Variants in TNRC6A observed in about 807,000 individuals in gnomAD.
TNRC6A encodes the protein trinucleotide repeat-containing gene 6A protein.
A neutral mutation model predicts 221.2 loss-of-function variants in TNRC6A; 44 were observed. That is an observed-to-expected ratio of 0.20 (90% confidence interval 0.16 to 0.26). The LOEUF (loss-of-function observed/expected upper bound fraction) is 0.26, where lower values mean the gene tolerates loss of function less well. Ranked by LOEUF, TNRC6A falls within the 10% of genes least tolerant of loss-of-function variation. The pLI, the probability that TNRC6A is intolerant of heterozygous loss-of-function variation, is 1.00. For missense variants in TNRC6A, 2,199 were observed against 2,404.4 expected, an observed-to-expected ratio of 0.91 and a Z score of 1.79; for synonymous variants, 847 against 838.5, an observed-to-expected ratio of 1.01 and a Z score of -0.18.
intron 4 of TNRC6A, among the ~76,000 whole-genome samples, chr16:24,763,360 A>G (rs1273227859): frequency 2.0e-5 from 3 of 152,224 alleles, no homozygotes; most frequent in Non-Finnish European, 1.5e-5. Flanking sequence ...CTTTTCCAGT[A>G]TGCCTGTTGA....
intron 1 of TNRC6A, among the ~76,000 whole-genome samples, chr16:24,611,658 C>T (rs1421759493): frequency 6.6e-6 from 1 of 152,018 alleles, no homozygotes; most frequent in East Asian, 1.9e-4. Context: ...AGCATGTGAG[C>T]GATTTAGTTC....
At chr16:24,669,906 C>G (rs1160926855) in intron 2 of TNRC6A, among the ~76,000 whole-genome samples, 8 of 137,076 alleles carry the variant, frequency 5.8e-5, no homozygotes, top group Non-Finnish European at 9.3e-5. Flanking sequence ...TGCATCCACT[C>G]ATTTTGTTCT....
chr16:24,716,911 C>T (rs1460750366), intron 2 of TNRC6A, among the ~76,000 whole-genome samples: 2 of 140,188 alleles, frequency 1.4e-5, no homozygotes, highest in East Asian at 4.4e-4. Context: ...GAGCCAAGAT[C>T]GTGCCACTGC....
intron 4 of TNRC6A, among the ~76,000 whole-genome samples, chr16:24,775,946 A>C (rs1480910888): frequency 6.6e-6 from 1 of 152,226 alleles, no homozygotes; most frequent in Non-Finnish European, 1.5e-5. Context: ...ACGAATAGCC[A>C]CTGTTTATAT....
At position 24,791,641 on chromosome 16, in the gene TNRC6A, A is replaced by G. The variant is rs1456044965; in HGVS notation, c.2999A>G (p.Glu1000Gly). 7 of 1,611,684 alleles carry G rather than the reference A, an allele frequency of 4.3e-6. No individual in the cohort carries two copies. Among genetic ancestry groups the G allele is most frequent in the Non-Finnish European group, 5.9e-6 (7 of 1,179,366 alleles). ...PSPESIRRKM[E>G]IDDGTSAWGD... ...CCAGAATCTATACGTCGCAAAATGG[A>G]GATTGATGATGGAACTTCAGCTTGG... The change falls in exon 6 of 25, where the codon GAG (glutamate) becomes GGG (glycine). Residue 1000 changes from glutamate (E) to glycine (G), a missense_variant. Around this residue, in one of 8 missense-constraint regions of TNRC6A, gnomAD observed 1,405 missense variants for 1,400.2 expected, o/e 1.00. Transcript: ENST00000395799.
intron 22 of TNRC6A, chr16:24,821,851 G>A: frequency 3.6e-6 from 2 of 562,144 alleles, no homozygotes; most frequent in South Asian, 2.4e-5. Context: ...GTGGTGAACT[G>A]GGAGCCATTC....
intron 3 of TNRC6A, among the ~76,000 whole-genome samples, chr16:24,755,991 A>G (rs1311715662): frequency 1.3e-5 from 2 of 152,176 alleles, no homozygotes; most frequent in Non-Finnish European, 2.9e-5. Flanking sequence ...GGTAAGCAGG[A>G]CAGTTATTTT....
At chr16:24,693,034 C>T (rs73566418) in intron 2 of TNRC6A, among the ~76,000 whole-genome samples, 7 of 152,120 alleles carry the variant, frequency 4.6e-5, no homozygotes, top group South Asian at 4.1e-4. Context: ...TTTAATAAGC[C>T]GAATAATCCT....
chr16:24,693,664 C>T (rs2055800339), intron 2 of TNRC6A, among the ~76,000 whole-genome samples: 1 of 152,088 alleles, frequency 6.6e-6, no homozygotes, highest in Admixed American at 6.6e-5. Context: ...ACTCAGGAGA[C>T]TGAGATGGAA....
chr16:24,749,189 A>G (rs1020044780), intron 2 of TNRC6A, among the ~76,000 whole-genome samples: 17 of 152,296 alleles, frequency 1.1e-4, no homozygotes, highest in African/African-American at 2.6e-4. Flanking sequence ...GGTGATGACT[A>G]CAGGTAGCCG....
At position 24,777,059 on chromosome 16, in the gene TNRC6A, A is replaced by C. The variant is rs542999996; in HGVS notation, c.290A>C (p.Gln97Pro). 1.2e-6 allele frequency: 2 copies of C among 1,608,038 alleles called. No individual in the cohort carries two copies. Among genetic ancestry groups the C allele is most frequent in the South Asian group, 2.2e-5 (2 of 90,934 alleles). Reference sequence around the variant, plus strand: ...ACAGCCAACAATCAGCAGCCACAGCAGCAGCAGCAACAGCAGCAGCCGCAG... The same window carrying C: ...ACAGCCAACAATCAGCAGCCACAGCCGCAGCAGCAACAGCAGCAGCCGCAG... ...RATANNQQPQ[Q>P]QQQQQQPQQQ... is the part of the protein sequence containing the mutation. Residue 97 changes from glutamine to proline, a missense_variant, in exon 5 of 25, where the codon CAG becomes CCG. Gln to Pro is a moderately conservative substitution (Grantham distance 76). Around this residue, in one of 8 missense-constraint regions of TNRC6A, gnomAD observed 1,405 missense variants for 1,400.2 expected, o/e 1.00. Coordinates refer to ENST00000395799, the MANE Select transcript of TNRC6A (RefSeq NM_014494.4).
chr16:24,783,050 T>G (rs950060201), intron 5 of TNRC6A, among the ~76,000 whole-genome samples: 1 of 152,204 alleles, frequency 6.6e-6, no homozygotes, highest in Non-Finnish European at 1.5e-5. Flanking sequence ...TTAACTGTTT[T>G]GTTTGTTAGA....
At chr16:24,767,742 G>A (rs1248184463) in intron 4 of TNRC6A, among the ~76,000 whole-genome samples, 1 of 152,014 alleles carries the variant, frequency 6.6e-6, no homozygotes, top group African/African-American at 2.4e-5. Context: ...TAACCATTCT[G>A]TATTTCTTAA....
At chr16:24,758,566 C>T (rs2057299802) in intron 4 of TNRC6A, among the ~76,000 whole-genome samples, 1 of 152,112 alleles carries the variant, frequency 6.6e-6, no homozygotes, top group Non-Finnish European at 1.5e-5. Context: ...TGCACTGCCT[C>T]AGACCTGCCT....
chr16:24,821,282 C>T (rs1596840436), intron 22 of TNRC6A, among the ~76,000 whole-genome samples: 2 of 152,098 alleles, frequency 1.3e-5, no homozygotes, highest in Admixed American at 6.6e-5. Flanking sequence ...CAGCGAGGGG[C>T]GCTAGTGAAA....
intron 5 of TNRC6A, among the ~76,000 whole-genome samples, chr16:24,786,694 G>T (rs1360428962): frequency 6.7e-6 from 1 of 149,856 alleles, no homozygotes; most frequent in African/African-American, 2.5e-5. Flanking sequence ...TGTTGTTTTT[G>T]TGTTTTGAGA....
chr16:24,657,512 C>G (rs1231820335), intron 2 of TNRC6A, among the ~76,000 whole-genome samples: 6 of 151,978 alleles, frequency 3.9e-5, no homozygotes, highest in Middle Eastern at 3.4e-3. Flanking sequence ...GAGTTCAAGA[C>G]CAGCCTGGCC....
At chr16:24,786,723 C>G (rs2057979266) in intron 5 of TNRC6A, among the ~76,000 whole-genome samples, 1 of 151,932 alleles carries the variant, frequency 6.6e-6, no homozygotes, top group African/African-American at 2.4e-5. Context: ...CACTCTGTTG[C>G]CAGGCTGGAG....
intron 5 of TNRC6A, among the ~76,000 whole-genome samples, chr16:24,784,070 C>G (rs905569969): frequency 3.3e-5 from 5 of 152,140 alleles, no homozygotes; most frequent in Admixed American, 3.3e-4. Context: ...GGTGCGATCT[C>G]GACTCACTGC....
Sources: gnomAD v4.1 joint callset for allele counts (sites outside exome capture counted in the v4.1 genomes callset) on GRCh38, gnomAD v4.1.1 for gene constraint, gnomAD v4.1.1 regional missense constraint, MANE v1.5 for transcripts, NCBI Gene and HGNC (gene_info 2026-07-23, HGNC 2026-07-21) for gene names.